The following EIF2AK3 variants were observed in gnomAD, a reference collection of about 807,000 sequenced individuals.
The protein encoded by EIF2AK3 is eukaryotic translation initiation factor 2 alpha kinase 3.
In EIF2AK3, 50 loss-of-function variants were observed where a neutral mutation model predicts 113.5. That is an observed-to-expected ratio of 0.44 (90% CI 0.35 to 0.56). The LOEUF (loss-of-function observed/expected upper bound fraction) is 0.56. Among genes scored for constraint, EIF2AK3 ranks in the 20% least tolerant of loss-of-function variants. The pLI, the probability that EIF2AK3 is intolerant of heterozygous loss-of-function variation, is 0.00. For synonymous variants in EIF2AK3, 448 were observed against 495.4 expected (o/e 0.90, Z 1.27); for missense variants, 1,185 against 1,378.0 (o/e 0.86, Z 2.22).
At chr2:88,625,392 C>T (rs1675836020) in intron 1 of EIF2AK3, among the ~76,000 whole-genome samples, 1 of 151,932 alleles carries the variant, frequency 6.6e-6, no homozygotes, top group Non-Finnish European at 1.5e-5. Context: ...TTGCTGTTTC[C>T]TCAAGTCCAG....
At chr2:88,567,250 C>T (rs1170471094) in intron 14 of EIF2AK3, among the ~76,000 whole-genome samples, 1 of 151,834 alleles carries the variant, frequency 6.6e-6, no homozygotes, top group Non-Finnish European at 1.5e-5. Flanking sequence ...CTGAAGTTTC[C>T]CTTTCATGGG....
intron 3 of EIF2AK3, 37 bp downstream of exon 3, chr2:88,595,432 C>G (rs1298776467): frequency 6.3e-7 from 1 of 1,593,720 alleles, no homozygotes. Flanking sequence ...CTAATTTACT[C>G]TGATTTCCCC....
At chr2:88,616,218 G>A (rs776203725) in intron 1 of EIF2AK3, among the ~76,000 whole-genome samples, 7 of 151,974 alleles carry the variant, frequency 4.6e-5, no homozygotes, top group Non-Finnish European at 8.8e-5. Flanking sequence ...CCTCTCCCCT[G>A]AACTGCAGAC....
intron 1 of EIF2AK3, among the ~76,000 whole-genome samples, chr2:88,622,727 ATGAC>A (rs1172406765): frequency 2.0e-5 from 3 of 152,218 alleles, no homozygotes; most frequent in Admixed American, 6.5e-5. Flanking sequence ...ATAGGACTAT[ATGAC>A]TGAGCTTCCT....
intron 2 of EIF2AK3, among the ~76,000 whole-genome samples, chr2:88,596,530 A>T (rs902115775): frequency 2.6e-5 from 4 of 152,160 alleles, no homozygotes; most frequent in Admixed American, 1.3e-4. Context: ...TGGAGAGGGG[A>T]TTATCAATAA....
At chr2:88,571,960 C>T (rs575329260) in intron 13 of EIF2AK3, among the ~76,000 whole-genome samples, 1 of 152,134 alleles carries the variant, frequency 6.6e-6, no homozygotes, top group South Asian at 2.1e-4. Context: ...TCAGAGTCTA[C>T]TCTACTCTGC....
chr2:88,612,843 A>C (rs576263333), intron 2 of EIF2AK3, among the ~76,000 whole-genome samples: 1 of 152,186 alleles, frequency 6.6e-6, no homozygotes, highest in Non-Finnish European at 1.5e-5. Flanking sequence ...AAAAGAGAAA[A>C]AAGACTACCC....
chr2:88,568,026 G>A (rs1400153557), intron 14 of EIF2AK3, among the ~76,000 whole-genome samples: 1 of 151,970 alleles, frequency 6.6e-6, no homozygotes, highest in Non-Finnish European at 1.5e-5. Flanking sequence ...GAGTGCAGTG[G>A]CAGGATCTTG....
intron 14 of EIF2AK3, among the ~76,000 whole-genome samples, chr2:88,568,392 C>T (rs555314936): frequency 6.6e-6 from 1 of 152,344 alleles, no homozygotes; most frequent in Admixed American, 6.5e-5. Context: ...CAGTGCCAAG[C>T]TGTACCAGTA....
At chr2:88,584,527 G>GAAAAAAAAAAA (rs66817563) in intron 9 of EIF2AK3, among the ~76,000 whole-genome samples, 1 of 73,326 alleles carries the variant, frequency 1.4e-5, no homozygotes, top group African/African-American at 5.8e-5. Flanking sequence ...CCCTGTCTCT[G>GAAAAAAAAAAA]AAAAAAAAAA....
chr2:88,604,549 T>C (rs965162115), intron 2 of EIF2AK3, among the ~76,000 whole-genome samples: 6 of 152,202 alleles, frequency 3.9e-5, no homozygotes, highest in Admixed American at 3.3e-4. Context: ...AATTGCATTA[T>C]TTGTACTATA....
intron 4 of EIF2AK3, among the ~76,000 whole-genome samples, chr2:88,592,969 C>A (rs922828307): frequency 1.3e-5 from 2 of 151,934 alleles, no homozygotes; most frequent in Admixed American, 1.3e-4. Flanking sequence ...TGGTGAAACC[C>A]CGTCTCTACT....
At chr2:88,558,213 C>A (rs1179877888) in intron 16 of EIF2AK3, among the ~76,000 whole-genome samples, 1 of 152,084 alleles carries the variant, frequency 6.6e-6, no homozygotes, top group African/African-American at 2.4e-5. Flanking sequence ...AGTTTGCCAA[C>A]CCTCATTCCA....
At chr2:88,624,349 G>A (rs541650181) in intron 1 of EIF2AK3, among the ~76,000 whole-genome samples, 34 of 152,224 alleles carry the variant, frequency 2.2e-4, no homozygotes, top group African/African-American at 7.5e-4. Context: ...AAGTAAGTTC[G>A]GAGGTTCCTT....
chr2:88,606,584 T>C (rs2104459397), intron 2 of EIF2AK3, among the ~76,000 whole-genome samples: 1 of 152,332 alleles, frequency 6.6e-6, no homozygotes, highest in East Asian at 1.9e-4. Flanking sequence ...CTAGTTTGCG[T>C]GCAAATGAAA....
At chr2:88,613,680 T>A in intron 2 of EIF2AK3, 44 bp downstream of exon 2, 1 of 1,611,064 alleles carries the variant, frequency 6.2e-7, no homozygotes, top group Non-Finnish European at 8.5e-7. Context: ...CAATTACTCA[T>A]TAGAATTAAG....
rs886056419 is a variant in EIF2AK3, at chr2:88,627,262, T to C, written c.13A>G (p.Ile5Val). The C allele has an allele frequency of 6.8e-5, 101 of 1,487,278 alleles. No individual in the cohort carries two copies. The highest frequency in any genetic ancestry group is 2.3e-4 in the Middle Eastern group (1 of 4,260). 92.1% of individuals were successfully genotyped at this position (1,487,278 alleles called of 1,614,324 possible). A position where few individuals can be genotyped will look rare whatever the true frequency, so the allele number is the denominator to read the frequency against. The change falls in exon 1 of 17, where the codon ATC (isoleucine) becomes GTC (valine). Residue 5 changes from isoleucine (I) to valine (V), a missense_variant. Ile to Val is a conservative substitution (Grantham distance 29). Coordinates refer to ENST00000303236, the MANE Select transcript of EIF2AK3 (RefSeq NM_004836.7). ...GCCCGTACCAGCAGCCCCGGGCTGATGGCGCGCTCCATCAGCGTCCCGCCC... is the reference window on the plus strand; with the variant it reads ...GCCCGTACCAGCAGCCCCGGGCTGACGGCGCGCTCCATCAGCGTCCCGCCC... MERA[I>V]SPGLLVRALL...
intron 13 of EIF2AK3, among the ~76,000 whole-genome samples, chr2:88,573,651 TAAC>T (rs1421468651): frequency 2.0e-5 from 3 of 152,172 alleles, no homozygotes; most frequent in Admixed American, 1.3e-4. Flanking sequence ...TATGACTAAA[TAAC>T]AATTATATTA....
At chr2:88,607,007 G>C (rs1675294554) in intron 2 of EIF2AK3, among the ~76,000 whole-genome samples, 1 of 152,104 alleles carries the variant, frequency 6.6e-6, no homozygotes, top group East Asian at 1.9e-4. Context: ...AACAAATATG[G>C]TATCTCTAAA....
Sources: allele counts gnomAD v4.1 joint callset (sites outside exome capture counted in the v4.1 genomes callset), GRCh38; gene constraint gnomAD v4.1.1; transcripts MANE v1.5; gene names NCBI Gene and HGNC (gene_info 2026-07-23, HGNC 2026-07-21).